Variants in SDC2 observed in about 807,000 individuals in gnomAD.
SDC2 encodes the protein syndecan-2.
A neutral mutation model predicts 22.2 loss-of-function variants in SDC2; 13 were observed. The ratio of observed to expected loss-of-function variants is 0.59; its 90% CI spans 0.38 to 0.93. The LOEUF (loss-of-function observed/expected upper bound fraction) is 0.93, where lower values mean the gene tolerates loss of function less well. Among genes scored for constraint, SDC2 ranks in the 40% least tolerant of loss-of-function variants. SDC2 has a pLI of 0.00. For missense variants in SDC2, 235 were observed against 246.8 expected (o/e 0.95, Z 0.32); for synonymous variants, 94 against 92.8 (o/e 1.01, Z -0.07).
chr8:96,586,236 A>G (rs1563671641), intron 1 of SDC2, among the ~76,000 whole-genome samples: 1 of 152,188 alleles, frequency 6.6e-6, no homozygotes, highest in Non-Finnish European at 1.5e-5. Context: ...GAGAACATTG[A>G]TCTGTTTTTC....
intron 1 of SDC2, among the ~76,000 whole-genome samples, chr8:96,552,550 A>G (rs980649924): frequency 1.2e-4 from 18 of 152,236 alleles, no homozygotes; most frequent in Non-Finnish European, 2.4e-4. Context: ...AAGTGCCGCA[A>G]GTAAGGATTT....
chr8:96,526,244 C>T (rs1288866321), intron 1 of SDC2, among the ~76,000 whole-genome samples: 1 of 151,686 alleles, frequency 6.6e-6, no homozygotes, highest in African/African-American at 2.4e-5. Context: ...TTTTGTGATT[C>T]TGAATTTAAA....
At position 96,494,440 on chromosome 8, in the gene SDC2, T is replaced by G. The variant is rs145997424; in HGVS notation, c.60+109T>G. 1.4e-3 allele frequency: 1,394 copies of G among 992,214 alleles called. 18 individuals are homozygous for G. In the African/African-American group the frequency reaches 0.02, roughly 14 times the overall value. The allele number at this position is 992,214 out of a possible 1,614,324, so 61.5% of individuals were successfully genotyped here. ...ACCTGGGGAACCCCCAGTCCCCAAG[T>G]ATACACCGGAGATCCGCTGGGACAA... is the stretch of plus-strand genomic sequence containing the variant. On this transcript the variant is annotated intron_variant, in intron 1 of 4. Transcript: ENST00000302190.
At chr8:96,508,930 G>A (rs1415593284) in intron 1 of SDC2, among the ~76,000 whole-genome samples, 1 of 142,248 alleles carries the variant, frequency 7.0e-6, no homozygotes, top group Non-Finnish European at 1.6e-5. Context: ...TCTAATGGAT[G>A]GTTGCAGCCC....
chr8:96,585,107 T>C (rs911368477), intron 1 of SDC2: 1 of 152,218 alleles, frequency 6.6e-6, no homozygotes. Flanking sequence ...GATTTCTTGT[T>C]CGTTTATTTG....
chr8:96,583,463 C>T (rs1351680745), intron 1 of SDC2, among the ~76,000 whole-genome samples: 1 of 130,718 alleles, frequency 7.7e-6, no homozygotes, highest in Non-Finnish European at 1.6e-5. Context: ...AGTTTATTTG[C>T]ACAGTTGATG....
intron 1 of SDC2, among the ~76,000 whole-genome samples, chr8:96,533,463 T>C (rs1341340532): frequency 6.6e-6 from 1 of 152,218 alleles, no homozygotes; most frequent in Non-Finnish European, 1.5e-5. Context: ...AGAGCACTGA[T>C]TGGTGCATTT....
intron 1 of SDC2, among the ~76,000 whole-genome samples, chr8:96,536,935 C>G (rs1328396616): frequency 6.6e-6 from 1 of 152,166 alleles, no homozygotes; most frequent in African/African-American, 2.4e-5. Context: ...TTCAGGTCCC[C>G]CATTGAGGAG....
At chr8:96,528,269 AT>A (rs938930214) in intron 1 of SDC2, among the ~76,000 whole-genome samples, 2 of 152,054 alleles carry the variant, frequency 1.3e-5, no homozygotes, top group African/African-American at 2.4e-5. Flanking sequence ...GAGAAAGAGG[AT>A]TTTTTTTAAG....
At chr8:96,560,820 G>A (rs1814196717) in intron 1 of SDC2, among the ~76,000 whole-genome samples, 1 of 152,090 alleles carries the variant, frequency 6.6e-6, no homozygotes, top group African/African-American at 2.4e-5. Flanking sequence ...TAAAAAGAGA[G>A]ATATGCCGGG....
intron 1 of SDC2, among the ~76,000 whole-genome samples, chr8:96,534,370 A>G (rs139336369): frequency 2.6e-4 from 40 of 152,288 alleles, no homozygotes; most frequent in African/African-American, 9.4e-4. Context: ...GCACGCTGTC[A>G]CCTCTCAATA....
rs146780922 is a variant in SDC2 at position 96,553,306 on chromosome 8, T to C, written c.61-40174T>C. Among the ~76,000 whole-genome samples the C allele has an allele frequency of 3.9e-3, 595 of 152,282 alleles. 3 individuals are homozygous for C. The highest frequency in any genetic ancestry group is 0.014 in the African/African-American group (572 of 41,580). ...AAATATATATTCTAATTATGCAGGC[T>C]CTATGTGAAAATGCATTCTTATTGG... is the stretch of plus-strand genomic sequence containing the variant. On this transcript the variant is annotated intron_variant, in intron 1 of 4. Coordinates refer to ENST00000302190, the MANE Select transcript of SDC2 (RefSeq NM_002998.4).
chr8:96,533,237 C>T (rs900778077), intron 1 of SDC2, among the ~76,000 whole-genome samples: 1 of 152,100 alleles, frequency 6.6e-6, no homozygotes, highest in Non-Finnish European at 1.5e-5. Context: ...GGAAGGGGGA[C>T]CCGAGCAGGT....
chr8:96,580,398 A>G (rs773316216), intron 1 of SDC2: 27 of 985,362 alleles, frequency 2.7e-5, no homozygotes, highest in Non-Finnish European at 3.3e-5. Context: ...AGTCAAAGGG[A>G]TAATGCAACC....
At chr8:96,554,344 C>T (rs1586296641) in intron 1 of SDC2, among the ~76,000 whole-genome samples, 1 of 151,724 alleles carries the variant, frequency 6.6e-6, no homozygotes, top group African/African-American at 2.4e-5. Flanking sequence ...TTGTGAATAC[C>T]GTTTTCTTCA....
chr8:96,539,396 C>T (rs1448422026), intron 1 of SDC2, among the ~76,000 whole-genome samples: 2 of 152,080 alleles, frequency 1.3e-5, no homozygotes, highest in East Asian at 1.9e-4. Flanking sequence ...GGGTTGTGCA[C>T]GTATAAAGTA....
At position 96,602,308 on chromosome 8, in the gene SDC2, A is replaced by C. The variant is rs535019887; in HGVS notation, c.173-87A>C. On this transcript the variant is annotated intron_variant, in intron 2 of 4. Transcript: ENST00000302190. Reference sequence around the variant, plus strand: ...CATTTTGAAAGAACATGATTCTGTCAGTGTCAACGTCAGGCAATAGTGCCT... The same window carrying C: ...CATTTTGAAAGAACATGATTCTGTCCGTGTCAACGTCAGGCAATAGTGCCT... 63 of 1,326,878 alleles carry C rather than the reference A, an allele frequency of 4.7e-5. No homozygotes were observed. The East Asian group carries it at 1.4e-3, about 29-fold the overall frequency. The allele number at this position is 1,326,878 out of a possible 1,614,324, so 82.2% of individuals were successfully genotyped here. A position where few individuals can be genotyped will look rare whatever the true frequency, so the allele number is the denominator to read the frequency against.
chr8:96,553,952 T>C (rs1436833512), intron 1 of SDC2, among the ~76,000 whole-genome samples: 7 of 151,800 alleles, frequency 4.6e-5, no homozygotes, highest in African/African-American at 1.7e-4. Flanking sequence ...GTTGTTTGCT[T>C]TTTGTTTTGG....
rs556511746 is a variant in SDC2, at chr8:96,590,178, A to G, written c.61-3302A>G. 3.9e-5 allele frequency among the ~76,000 whole-genome samples: 6 copies of G among 152,342 alleles called. No homozygotes were observed. In the South Asian group the frequency reaches 1.2e-3, roughly 32 times the overall value. On this transcript the variant is annotated intron_variant, in intron 1 of 4. Coordinates refer to ENST00000302190, the MANE Select transcript of SDC2 (RefSeq NM_002998.4). Reference sequence around the variant, plus strand: ...CACATCTTGCATCAGCCAAAAGGGAAAGGTCTGAAAGACCAGCTTTGTTTT... The same window carrying G: ...CACATCTTGCATCAGCCAAAAGGGAGAGGTCTGAAAGACCAGCTTTGTTTT...
Sources: allele counts gnomAD v4.1 joint callset (sites outside exome capture counted in the v4.1 genomes callset), GRCh38; gene constraint gnomAD v4.1.1; transcripts MANE v1.5; gene names NCBI Gene and HGNC (gene_info 2026-07-23, HGNC 2026-07-21).